Variants in SLC22A24 observed in about 807,000 individuals in gnomAD.
SLC22A24 encodes the protein steroid transmembrane transporter SLC22A24.
Under a neutral mutation model 49.8 loss-of-function variants are expected in SLC22A24, and 53 were observed. The ratio of observed to expected loss-of-function variants is 1.06; its 90% CI spans 0.85 to 1.34. SLC22A24 has a LOEUF of 1.34. Ranked by LOEUF, SLC22A24 falls within the 40% of genes most tolerant of loss-of-function variation. The pLI, the probability that SLC22A24 is intolerant of heterozygous loss-of-function variation, is 0.00. For missense variants in SLC22A24, 786 were observed against 675.9 expected (o/e 1.16, Z -1.81); for synonymous variants, 302 against 256.4 (o/e 1.18, Z -1.70).
chr11:63,101,934 A>G (rs2087093763), intron 5 of SLC22A24, among the ~76,000 whole-genome samples: 1 of 152,078 alleles, frequency 6.6e-6, no homozygotes, highest in South Asian at 2.1e-4. Flanking sequence ...TGGTTAGCAG[A>G]GACAAGAAAG....
chr11:63,088,576 T>A (rs1033296678), intron 6 of SLC22A24, among the ~76,000 whole-genome samples: 8 of 152,200 alleles, frequency 5.3e-5, no homozygotes, highest in African/African-American at 1.7e-4. Context: ...GGGCAGAGAA[T>A]GAGACTGATG....
At chr11:63,141,285 TAATG>T (rs945620615) in intron 1 of SLC22A24, among the ~76,000 whole-genome samples, 2 of 152,216 alleles carry the variant, frequency 1.3e-5, no homozygotes, top group African/African-American at 4.8e-5. Context: ...TGTTAAAAGA[TAATG>T]AAAGGGTTTT....
At chr11:63,091,281 A>G (rs2087019107) in intron 6 of SLC22A24, among the ~76,000 whole-genome samples, 1 of 152,200 alleles carries the variant, frequency 6.6e-6, no homozygotes, top group Non-Finnish European at 1.5e-5. Flanking sequence ...CCAACCAAAA[A>G]AGGGCAAGGA....
At chr11:63,105,800 A>G (rs1054986938) in intron 4 of SLC22A24, among the ~76,000 whole-genome samples, 5 of 152,056 alleles carry the variant, frequency 3.3e-5, no homozygotes, top group African/African-American at 7.2e-5. Flanking sequence ...CTCATTACTT[A>G]TGCAAGTTTC....
Position 63,143,372 on chromosome 11 carries a change from T to A in SLC22A24, c.402+6A>T. ...ATAAACAGAAGATTTACATGGGGCC[T>A]CTTACCTCAGTCACGATGGTGGAGA... On this transcript the variant is annotated splice_donor_region_variant and intron_variant, in intron 1 of 9. Coordinates refer to ENST00000612278, the MANE Select transcript of SLC22A24 (RefSeq NM_001136506.2). 6.9e-7 allele frequency: 1 copy of A among 1,442,372 alleles called. No homozygotes were observed. The highest frequency in any genetic ancestry group is 1.5e-5 in the African/African-American group (1 of 68,952). The allele number at this position is 1,442,372 out of a possible 1,614,324, so 89.3% of individuals were successfully genotyped here.
chr11:63,142,110 T>C (rs1363637608), intron 1 of SLC22A24, among the ~76,000 whole-genome samples: 3 of 152,224 alleles, frequency 2.0e-5, no homozygotes, highest in African/African-American at 7.2e-5. Context: ...ATTTAAATAC[T>C]GTACTAAAAC....
intron 1 of SLC22A24, among the ~76,000 whole-genome samples, chr11:63,142,905 G>C (rs538590685): frequency 6.6e-6 from 1 of 152,012 alleles, no homozygotes; most frequent in Non-Finnish European, 1.5e-5. Context: ...TAAAACTCTG[G>C]CCTCCCTCAA....
At position 63,081,097 on chromosome 11, in the gene SLC22A24, A is replaced by T. The variant is rs747042629; in HGVS notation, c.1421T>A (p.Val474Glu). Reference protein sequence around the residue: ...LRSTVAGINAVSGRTGAALAP... With the variant: ...LRSTVAGINAESGRTGAALAP... ...CAGTGCTGCCCCAGTCCTACCGGAC[A>T]CTGCATTGATTCCTGCAACTGTTGA... The change falls in exon 9 of 10, where the codon GTG becomes GAG. Residue 474 changes from valine (V) to glutamate (E), a missense_variant. Val to Glu is a moderately radical substitution (Grantham distance 121). Transcript: ENST00000612278. The T allele has an allele frequency of 6.4e-7, 1 of 1,551,520 alleles. No homozygotes were observed. The highest frequency in any genetic ancestry group is 8.7e-7 in the Non-Finnish European group (1 of 1,146,928).
chr11:63,110,120 C>T (rs985052482), intron 4 of SLC22A24, among the ~76,000 whole-genome samples: 2 of 151,594 alleles, frequency 1.3e-5, no homozygotes, highest in East Asian at 3.9e-4. Flanking sequence ...TTCCCCATTG[C>T]TTGTTTTTGT....
At chr11:63,142,824 C>T (rs1590754463) in intron 1 of SLC22A24, among the ~76,000 whole-genome samples, 1 of 152,052 alleles carries the variant, frequency 6.6e-6, no homozygotes, top group African/African-American at 2.4e-5. Context: ...TCACTGGCTG[C>T]CCCCCAACCA....
intron 1 of SLC22A24, among the ~76,000 whole-genome samples, 167 bp downstream of exon 1, chr11:63,143,211 C>T (rs781756819): frequency 6.6e-6 from 1 of 152,102 alleles, no homozygotes; most frequent in African/African-American, 2.4e-5. Context: ...TTGGCTGTAT[C>T]GTAGAGTATT....
chr11:63,094,156 A>G, intron 6 of SLC22A24, among the ~76,000 whole-genome samples: 1 of 91,998 alleles, frequency 1.1e-5, no homozygotes, highest in Non-Finnish European at 2.1e-5. Context: ...CCGACCCCAC[A>G]ACAGTCCCCA....
At chr11:63,085,177 AT>A (rs2086980365) in intron 6 of SLC22A24, among the ~76,000 whole-genome samples, 1 of 152,112 alleles carries the variant, frequency 6.6e-6, no homozygotes, top group East Asian at 1.9e-4. Context: ...TTTTAGAAAA[AT>A]TCATAGATAT....
intron 5 of SLC22A24, among the ~76,000 whole-genome samples, chr11:63,098,847 GAA>G (rs1469405778): frequency 1.3e-5 from 2 of 151,956 alleles, no homozygotes; most frequent in Non-Finnish European, 2.9e-5. Context: ...CTGGCTTTTT[GAA>G]AAGATAAACA....
At chr11:63,080,228 T>G (rs549576490) in intron 9 of SLC22A24, among the ~76,000 whole-genome samples, 1 of 152,324 alleles carries the variant, frequency 6.6e-6, no homozygotes, top group African/African-American at 2.4e-5. Flanking sequence ...ATTGTCTCTT[T>G]GGATCTCAGA....
In SLC22A24 at chr11:63,143,739, C is replaced by A; in HGVS notation, c.41G>T (p.Gly14Val). The change falls in exon 1 of 10, where the codon GGG becomes GTG. Residue 14 changes from glycine to valine, a missense_variant. Gly to Val is a moderately radical substitution (Grantham distance 109, BLOSUM62 -3). Coordinates refer to ENST00000612278, the MANE Select transcript of SLC22A24 (RefSeq NM_001136506.2). The stretch of plus-strand genomic sequence containing the variant: ...AGCTATCAGACAAATCTGGAATCTC[C>A]CCATGCCACCCACTTGATCCAGGAG... Reference protein sequence around the residue: ...DVLLDQVGGMGRFQICLIAFF... With the variant: ...DVLLDQVGGMVRFQICLIAFF... 6.8e-7 allele frequency: 1 copy of A among 1,479,894 alleles called. No individual in the cohort carries two copies. Among genetic ancestry groups the A allele is most frequent in the Non-Finnish European group, 9.0e-7 (1 of 1,113,386 alleles). 91.7% of individuals were successfully genotyped at this position (1,479,894 alleles called of 1,614,324 possible). A position where few individuals can be genotyped will look rare whatever the true frequency, so the allele number is the denominator to read the frequency against.
chr11:63,142,052 T>C (rs1055630319), intron 1 of SLC22A24, among the ~76,000 whole-genome samples: 3 of 152,200 alleles, frequency 2.0e-5, no homozygotes, highest in African/African-American at 4.8e-5. Context: ...AATTGGGAAT[T>C]GTACTCCTCA....
At chr11:63,142,765 C>T (rs1180951777) in intron 1 of SLC22A24, among the ~76,000 whole-genome samples, 2 of 152,078 alleles carry the variant, frequency 1.3e-5, no homozygotes, top group Non-Finnish European at 2.9e-5. Context: ...CACAAGAAGG[C>T]AGCTTTGACT....
At position 63,094,714 on chromosome 11, in the gene SLC22A24, C is replaced by A. The variant is rs558846031; in HGVS notation, c.1070+1277G>T. 4.1e-3 allele frequency among the ~76,000 whole-genome samples: 631 copies of A among 152,260 alleles called. 5 individuals carry two copies. The highest frequency in any genetic ancestry group is 0.014 in the African/African-American group (601 of 41,540). On this transcript the variant is annotated intron_variant, in intron 6 of 9. Coordinates refer to ENST00000612278, the MANE Select transcript of SLC22A24 (RefSeq NM_001136506.2). The stretch of plus-strand genomic sequence containing the variant: ...GGTATCTCATTGTGGTTTTGATTTG[C>A]ATTTCTCTGATGGCCAGTGATGGTG...
Sources: allele counts gnomAD v4.1 joint callset (sites outside exome capture counted in the v4.1 genomes callset), GRCh38; gene constraint gnomAD v4.1.1; transcripts MANE v1.5; gene names NCBI Gene and HGNC (gene_info 2026-07-23, HGNC 2026-07-21).